LYRM7: variants seen among roughly 807,000 people sequenced by gnomAD.
LYRM7 encodes the protein LYR motif containing 7.
LYRM7 carries 9 observed loss-of-function variants against 15.8 expected under a neutral mutation model. The ratio of observed to expected loss-of-function variants is 0.57; its 90% CI spans 0.34 to 0.99. LYRM7 has a LOEUF of 0.99. Among genes scored for constraint, LYRM7 ranks in the 50% least tolerant of loss-of-function variants. The pLI, the probability that LYRM7 is intolerant of heterozygous loss-of-function variation, is 0.02. For missense variants in LYRM7, 115 were observed against 119.1 expected, an observed-to-expected ratio of 0.97 and a Z score of 0.16; for synonymous variants, 39 against 39.4, an observed-to-expected ratio of 0.99 and a Z score of 0.04.
rs1052581217 is a variant in LYRM7, at chr5:131,201,675, C to G, written c.*2074C>G. 2.0e-5 allele frequency: 3 copies of G among 152,272 alleles called. No individual in the cohort carries two copies. The highest frequency in any genetic ancestry group is 6.6e-5 in the Admixed American group (1 of 15,256). The allele number at this position is 152,272 out of a possible 1,614,324, so 9.4% of individuals were successfully genotyped here. ...CGGAGGTTGCAGTGAGCCGAGATCG[C>G]ACCATTGCACTCCAGCCTAGGCAAC... On this transcript the variant is annotated 3_prime_UTR_variant, in exon 5 of 5. Transcript: ENST00000379380.
chr5:131,190,276 ACCTCTG>A (rs1755864829), intron 4 of LYRM7, among the ~76,000 whole-genome samples: 1 of 151,662 alleles, frequency 6.6e-6, no homozygotes, highest in Non-Finnish European at 1.5e-5. Flanking sequence ...TCTCACTGCA[ACCTCTG>A]CCTCCCGGGT....
At chr5:131,196,456 C>G (rs1396007215) in intron 4 of LYRM7, among the ~76,000 whole-genome samples, 1 of 152,054 alleles carries the variant, frequency 6.6e-6, no homozygotes, top group African/African-American at 2.4e-5. Flanking sequence ...CCAAGAAAGT[C>G]ATTGTTTTCC....
At chr5:131,177,500 A>G (rs958895020) in intron 1 of LYRM7, among the ~76,000 whole-genome samples, 2 of 152,230 alleles carry the variant, frequency 1.3e-5, no homozygotes, top group Non-Finnish European at 2.9e-5. Flanking sequence ...TTGAGTATCT[A>G]TGGTGTTCTA....
At chr5:131,181,663 T>G (rs938867893) in intron 2 of LYRM7, among the ~76,000 whole-genome samples, 1 of 151,584 alleles carries the variant, frequency 6.6e-6, no homozygotes, top group Non-Finnish European at 1.5e-5. Context: ...AGCAGCACAA[T>G]AAGACCAGTG....
intron 4 of LYRM7, among the ~76,000 whole-genome samples, chr5:131,194,209 A>G (rs6892226): frequency 0.073 from 11,126 of 152,238 alleles, 1,104 homozygotes; most frequent in African/African-American, 0.23. Context: ...TTTACAATCT[A>G]TAAGACAAAA....
intron 2 of LYRM7, among the ~76,000 whole-genome samples, chr5:131,181,302 A>ATATATATATATAT (rs71000974): frequency 1.1e-4 from 1 of 8,768 alleles, no homozygotes; most frequent in Non-Finnish European, 3.3e-4. Context: ...AAAAAAAAAA[A>ATATATATATATAT]ATATATATAT....
intron 1 of LYRM7, among the ~76,000 whole-genome samples, chr5:131,175,898 A>G (rs1414701084): frequency 6.6e-6 from 1 of 152,086 alleles, no homozygotes; most frequent in Admixed American, 6.6e-5. Flanking sequence ...AGCTGGGATT[A>G]CAGGTGCCCA....
intron 4 of LYRM7, among the ~76,000 whole-genome samples, chr5:131,189,153 A>G (rs774789261): frequency 1.2e-4 from 18 of 144,894 alleles, no homozygotes; most frequent in Non-Finnish European, 2.6e-4. Flanking sequence ...CTCAAAAACA[A>G]AAACAAAGGC....
At chr5:131,180,048 A>G in intron 1 of LYRM7, 47 bp from the exon 2 acceptor site, 1 of 1,259,788 alleles carries the variant, frequency 7.9e-7, no homozygotes, top group East Asian at 2.4e-5. Context: ...CTGGGATTAC[A>G]GGCATGAGCC....
chr5:131,178,140 T>C (rs1466985956), intron 1 of LYRM7, among the ~76,000 whole-genome samples: 3 of 152,250 alleles, frequency 2.0e-5, no homozygotes, highest in Non-Finnish European at 4.4e-5. Context: ...TCTGTTTTCA[T>C]GTCTGCCTTT....
At chr5:131,197,846 C>CTGTGTGTGTGTGTGTGTGTG (rs56146861) in intron 4 of LYRM7, among the ~76,000 whole-genome samples, 39 of 143,288 alleles carry the variant, frequency 2.7e-4, no homozygotes, top group East Asian at 1.4e-3. Flanking sequence ...CATCTGGCCA[C>CTGTGTGTGTGTGTGTGTGTG]TGTGTGTGTG....
At position 131,204,785 on chromosome 5, in the gene LYRM7, C is replaced by G. The variant is rs902178889; in HGVS notation, c.*5184C>G. The G allele has an allele frequency of 6.6e-6, 1 of 151,256 alleles. No homozygotes were observed. The highest frequency in any genetic ancestry group is 2.4e-5 in the African/African-American group (1 of 40,950). 9.4% of individuals were successfully genotyped at this position (151,256 alleles called of 1,614,324 possible). On this transcript the variant is annotated 3_prime_UTR_variant, in exon 5 of 5. Transcript: ENST00000379380. ...GTAAGCAGGTGTTGCTAGAAATTCACTTATATACAAGAAAACTTTTTGTGT... is the reference window on the plus strand; with the variant it reads ...GTAAGCAGGTGTTGCTAGAAATTCAGTTATATACAAGAAAACTTTTTGTGT...
At chr5:131,175,747 C>CATT (rs1561542526) in intron 1 of LYRM7, among the ~76,000 whole-genome samples, 4 of 149,164 alleles carry the variant, frequency 2.7e-5, no homozygotes, top group African/African-American at 1.0e-4. Context: ...GTTGCCCAGG[C>CATT]TGGTTTTGTT....
intron 1 of LYRM7, among the ~76,000 whole-genome samples, chr5:131,177,393 G>A (rs1432414140): frequency 6.6e-6 from 1 of 152,148 alleles, no homozygotes; most frequent in Non-Finnish European, 1.5e-5. Context: ...TTTTGGTGGA[G>A]GATATTCTTC....
At chr5:131,173,491 A>T (rs1479035982) in intron 1 of LYRM7, among the ~76,000 whole-genome samples, 1 of 152,218 alleles carries the variant, frequency 6.6e-6, no homozygotes, top group Non-Finnish European at 1.5e-5. Flanking sequence ...CACGCCTGTA[A>T]TCCCAGCACT....
intron 1 of LYRM7, among the ~76,000 whole-genome samples, chr5:131,172,927 C>G (rs1561541695): frequency 6.6e-6 from 1 of 152,178 alleles, no homozygotes. Flanking sequence ...TGTGACCTGG[C>G]TTTCTGCATT....
intron 4 of LYRM7, among the ~76,000 whole-genome samples, chr5:131,190,047 T>C (rs1755860260): frequency 6.7e-6 from 1 of 149,030 alleles, no homozygotes; most frequent in African/African-American, 2.5e-5. Context: ...GGTGGGAGGA[T>C]CACTTGAGCC....
At chr5:131,192,934 A>G (rs1244330581) in intron 4 of LYRM7, among the ~76,000 whole-genome samples, 4 of 152,054 alleles carry the variant, frequency 2.6e-5, no homozygotes, top group Admixed American at 2.6e-4. Context: ...TTTGACAAAC[A>G]TATATATTTT....
rs149217100 is a variant in LYRM7 at position 131,175,443 on chromosome 5, C to T, written c.18+4405C>T. On this transcript the variant is annotated intron_variant, in intron 1 of 4. Coordinates refer to ENST00000379380, the MANE Select transcript of LYRM7 (RefSeq NM_181705.4). ...CAAACTCCTGACCTCAGGTGATCTG[C>T]CTGCCTTGACCTCCCAAAGTGCTAG... Among the ~76,000 whole-genome samples, 1,281 of 152,122 alleles carry T rather than the reference C, an allele frequency of 8.4e-3. 15 individuals carry two copies. The highest frequency in any genetic ancestry group is 0.03 in the African/African-American group (1,233 of 41,468).
Sources: gnomAD v4.1 joint callset for allele counts (sites outside exome capture counted in the v4.1 genomes callset) on GRCh38, gnomAD v4.1.1 for gene constraint, MANE v1.5 for transcripts, NCBI Gene and HGNC (gene_info 2026-07-23, HGNC 2026-07-21) for gene names.